NAV3: variants seen among roughly 807,000 people sequenced by gnomAD.
NAV3 encodes neuron navigator 3.
NAV3 carries 87 observed loss-of-function variants against 244.7 expected under a neutral mutation model. The observed-to-expected ratio is 0.36, with a 90% CI of 0.30 to 0.42. The LOEUF is 0.42. NAV3 is among the 20% of genes least tolerant of loss of function. The pLI is 1.00. For missense variants in NAV3, 2,663 were observed against 2,893.3 expected (o/e 0.92, Z 1.83); for synonymous variants, 1,126 against 1,042.2 (o/e 1.08, Z -1.55).
chr12:77,973,939 A>C (rs1454069683), intron 5 of NAV3, among the ~76,000 whole-genome samples: 1 of 151,064 alleles, frequency 6.6e-6, no homozygotes, highest in Non-Finnish European at 1.5e-5. Context: ...TCATTACTTA[A>C]AGCAGGATTT....
chr12:77,985,050 T>A (rs1450132713), intron 5 of NAV3, among the ~76,000 whole-genome samples: 1 of 152,152 alleles, frequency 6.6e-6, no homozygotes, highest in South Asian at 2.1e-4. Context: ...TCTCCTGACC[T>A]CGTGATCCAG....
Position 77,676,514 on chromosome 12 carries a change from T to G in NAV3, c.72+104248T>G, listed in dbSNP as rs76715692. 8.2e-3 allele frequency among the ~76,000 whole-genome samples: 1,248 copies of G among 151,362 alleles called. 22 individuals carry two copies. Among genetic ancestry groups the G allele is most frequent in the African/African-American group, 0.029 (1,189 of 41,376 alleles). ...AAACAAGTGGGCTTTCTTTTCTTTT[T>G]GCAGAACTCGTCCTGTGTGGCTGGT... On this transcript the variant is annotated intron_variant, in intron 2 of 8. Transcript: ENST00000550042.
At chr12:78,128,092 C>T (rs921230319) in intron 17 of NAV3, among the ~76,000 whole-genome samples, 4 of 151,958 alleles carry the variant, frequency 2.6e-5, no homozygotes, top group Non-Finnish European at 5.9e-5. Flanking sequence ...AGGTCTTTCT[C>T]CATTATTTTT....
rs183501448 is a variant in NAV3 at position 77,843,990 on chromosome 12, T to C, written c.243+12286T>C. Among the ~76,000 whole-genome samples the C allele has an allele frequency of 6.0e-3, 920 of 152,302 alleles. 34 individuals carry two copies. The highest frequency in any genetic ancestry group is 1.5e-3 in the Non-Finnish European group (100 of 68,014). ...ATAAAATTTTTGCTGTGCAATTCTGTACAGTGGCTAGGGGTCGTCCACACA... is the reference window on the plus strand; with the variant it reads ...ATAAAATTTTTGCTGTGCAATTCTGCACAGTGGCTAGGGGTCGTCCACACA... On this transcript the variant is annotated intron_variant, in intron 1 of 39. Coordinates refer to ENST00000397909, the MANE Select transcript of NAV3 (RefSeq NM_001024383.2).
chr12:78,111,939 A>C (rs1342471608), intron 12 of NAV3, among the ~76,000 whole-genome samples: 1 of 152,200 alleles, frequency 6.6e-6, no homozygotes, highest in Non-Finnish European at 1.5e-5. Context: ...TATATTTCTA[A>C]ATTTATAAAT....
At chr12:77,718,315 A>G (rs1206309383) in intron 2 of NAV3, among the ~76,000 whole-genome samples, 2 of 151,980 alleles carry the variant, frequency 1.3e-5, no homozygotes, top group African/African-American at 4.8e-5. Context: ...TCCCATCACC[A>G]TTTGTTTAAG....
chr12:78,008,278 A>T (rs188036121), intron 8 of NAV3, among the ~76,000 whole-genome samples: 2 of 151,502 alleles, frequency 1.3e-5, no homozygotes, highest in East Asian at 3.9e-4. Flanking sequence ...CTTATTTTGT[A>T]GGCATTGAAA....
intron 2 of NAV3, among the ~76,000 whole-genome samples, chr12:77,811,562 G>A (rs1488990746): frequency 2.0e-5 from 3 of 152,174 alleles, no homozygotes; most frequent in African/African-American, 7.2e-5. Flanking sequence ...ACATTTGTCA[G>A]AAGGGGCTCA....
intron 8 of NAV3, among the ~76,000 whole-genome samples, chr12:78,008,920 GA>G (rs527942554): frequency 8.0e-4 from 122 of 151,808 alleles, no homozygotes; most frequent in African/African-American, 2.8e-3. Flanking sequence ...AAAAACGTGA[GA>G]AAAAAAATCA....
chr12:77,633,735 T>A (rs557942693), intron 2 of NAV3, among the ~76,000 whole-genome samples: 1 of 152,302 alleles, frequency 6.6e-6, no homozygotes, highest in South Asian at 2.1e-4. Flanking sequence ...AATATGAAGT[T>A]CAAAGTCGAG....
At chr12:77,816,265 C>A (rs189522209) in intron 2 of NAV3, among the ~76,000 whole-genome samples, 6 of 152,264 alleles carry the variant, frequency 3.9e-5, no homozygotes, top group Non-Finnish European at 2.9e-5. Flanking sequence ...CAACATCCTG[C>A]AGATATGATC....
intron 39 of NAV3, 123 bp from the exon 40 acceptor site, chr12:78,210,275 T>G (rs559931062): frequency 6.9e-7 from 1 of 1,447,148 alleles, no homozygotes; most frequent in Admixed American, 2.3e-5. Flanking sequence ...AATCTAAAAT[T>G]ATTTTCCCCT....
At chr12:77,951,602 A>G (rs1220808924) in intron 3 of NAV3, among the ~76,000 whole-genome samples, 3 of 152,210 alleles carry the variant, frequency 2.0e-5, no homozygotes, top group African/African-American at 4.8e-5. Flanking sequence ...TCATGCTGCT[A>G]TAAAGACACA....
chr12:77,725,438 T>A (rs886292350), intron 2 of NAV3, among the ~76,000 whole-genome samples: 8 of 151,880 alleles, frequency 5.3e-5, no homozygotes, highest in African/African-American at 1.7e-4. Context: ...ACATTTGCTG[T>A]GTACATTTTC....
intron 36 of NAV3, 167 bp from the exon 37 acceptor site, chr12:78,199,168 A>G (rs1332936718): frequency 1.4e-6 from 1 of 693,392 alleles, no homozygotes; most frequent in Non-Finnish European, 2.6e-6. Context: ...ATCCTAGTAG[A>G]CCTCCTAACA....
chr12:78,019,038 C>T (rs1228570459), intron 8 of NAV3, among the ~76,000 whole-genome samples: 1 of 152,106 alleles, frequency 6.6e-6, no homozygotes, highest in East Asian at 1.9e-4. Context: ...GATATATTTG[C>T]TCTTTTAATA....
At chr12:78,131,631 A>G (rs1490634755) in intron 18 of NAV3, among the ~76,000 whole-genome samples, 1 of 152,122 alleles carries the variant, frequency 6.6e-6, no homozygotes. Context: ...CCTCACCATT[A>G]TTATTCTGAT....
chr12:77,638,511 T>C (rs990330128), intron 2 of NAV3, among the ~76,000 whole-genome samples: 33 of 152,246 alleles, frequency 2.2e-4, no homozygotes, highest in African/African-American at 7.7e-4. Context: ...CACACTCTGA[T>C]GTCTGTAGTT....
At chr12:78,037,518 TA>T (rs752883098) in intron 9 of NAV3, 758 of 591,456 alleles carry the variant, frequency 1.3e-3, no homozygotes, top group Admixed American at 3.7e-3. Flanking sequence ...AGTTACATTT[TA>T]AATTCCTGTT....
Sources: allele counts gnomAD v4.1 joint callset (sites outside exome capture counted in the v4.1 genomes callset), GRCh38; gene constraint gnomAD v4.1.1; transcripts MANE v1.5; gene names NCBI Gene and HGNC (gene_info 2026-07-23, HGNC 2026-07-21).